The following TP63 variants were observed in gnomAD, a reference collection of about 807,000 sequenced individuals.
TP63 encodes the protein tumor protein 63.
In TP63, 17 loss-of-function variants were observed where a neutral mutation model predicts 82.8. The observed-to-expected ratio is 0.21, with a 90% CI of 0.14 to 0.31. The LOEUF (loss-of-function observed/expected upper bound fraction) is 0.31, where lower values mean the gene tolerates loss of function less well. TP63 is among the 10% of genes least tolerant of loss of function. The probability of loss-of-function intolerance (pLI) is 1.00; values close to 1 mark genes in which losing one functional copy is unlikely to be tolerated. For synonymous variants in TP63, 330 were observed against 321.7 expected (o/e 1.03, Z -0.28); for missense variants, 648 against 895.3 (o/e 0.72, Z 3.52).
chr3:189,766,060 G>C (rs1219114652), intron 3 of TP63, among the ~76,000 whole-genome samples: 1 of 152,164 alleles, frequency 6.6e-6, no homozygotes, highest in Non-Finnish European at 1.5e-5. Flanking sequence ...TGGTGCACAG[G>C]TGCAATGGTG....
chr3:189,642,446 T>C (rs7619517), intron 1 of TP63, among the ~76,000 whole-genome samples: 67,730 of 151,920 alleles, frequency 0.45, 15,677 homozygotes, highest in East Asian at 0.51. Context: ...CAACAGACAA[T>C]AGTATAACGT....
chr3:189,716,223 G>A (rs11709314), intron 1 of TP63, among the ~76,000 whole-genome samples: 78,863 of 151,868 alleles, frequency 0.52, 20,672 homozygotes, highest in Middle Eastern at 0.65. Context: ...ATCTGTAATT[G>A]TATTAGATAC....
intron 4 of TP63, among the ~76,000 whole-genome samples, chr3:189,837,451 C>CTT (rs1713320798): frequency 6.7e-6 from 1 of 148,604 alleles, no homozygotes; most frequent in Non-Finnish European, 1.5e-5. Context: ...AATCCAATTT[C>CTT]AAATTAAGAA....
In TP63 at chr3:189,872,875, C is replaced by T; in HGVS notation, c.1229C>T (p.Thr410Ile). Residue 410 changes from threonine (T) to isoleucine (I), a missense_variant, in exon 10 of 14, where the codon ACT becomes ATT. Transcript: ENST00000264731. ...LLYLPVRGRE[T>I]YEMLLKIKES... Reference sequence around the variant, plus strand: ...CTTCCATAGGTGAGGGGCCGTGAGACTTATGAAATGCTGTTGAAGATCAAA... The same window carrying T: ...CTTCCATAGGTGAGGGGCCGTGAGATTTATGAAATGCTGTTGAAGATCAAA... The T allele has an allele frequency of 1.4e-5, 22 of 1,614,132 alleles. No individual in the cohort carries two copies. Among genetic ancestry groups the T allele is most frequent in the Non-Finnish European group, 1.9e-5 (22 of 1,180,004 alleles).
chr3:189,885,933 C>T (rs887811703), intron 10 of TP63, among the ~76,000 whole-genome samples: 1 of 152,152 alleles, frequency 6.6e-6, no homozygotes, highest in Non-Finnish European at 1.5e-5. Flanking sequence ...TCTGCATATC[C>T]CAAATGGAAT....
At chr3:189,831,182 CA>C (rs1423135863) in intron 4 of TP63, among the ~76,000 whole-genome samples, 1 of 152,174 alleles carries the variant, frequency 6.6e-6, no homozygotes, top group African/African-American at 2.4e-5. Context: ...GTGACAACAA[CA>C]AAAGCACTTA....
intron 11 of TP63, among the ~76,000 whole-genome samples, chr3:189,888,098 T>TC (rs1405321915): frequency 6.6e-6 from 1 of 152,152 alleles, no homozygotes; most frequent in Non-Finnish European, 1.5e-5. Context: ...CCTCAGGTGA[T>TC]CCACCCACCT....
chr3:189,725,858 A>G (rs931577530), intron 1 of TP63, among the ~76,000 whole-genome samples: 2 of 152,202 alleles, frequency 1.3e-5, no homozygotes, highest in Non-Finnish European at 2.9e-5. Context: ...GCTGGAGATC[A>G]ACCTGACCAA....
At chr3:189,665,795 A>C (rs1714334927) in intron 1 of TP63, among the ~76,000 whole-genome samples, 1 of 152,110 alleles carries the variant, frequency 6.6e-6, no homozygotes, top group Non-Finnish European at 1.5e-5. Flanking sequence ...TACAGCCACG[A>C]CATTTAGGAA....
chr3:189,597,455 G>A, the TP63 span, among the ~76,000 whole-genome samples: 2 of 152,284 alleles, frequency 1.3e-5, no homozygotes, highest in African/African-American at 4.8e-5. Context: ...CTTTTAGGAG[G>A]AAGATAATAT....
intron 3 of TP63, among the ~76,000 whole-genome samples, chr3:189,765,038 G>A (rs775559873): frequency 7.2e-5 from 11 of 152,274 alleles, no homozygotes; most frequent in Non-Finnish European, 8.8e-5. Flanking sequence ...TTATTGGAGC[G>A]TTGTGGATTT....
At chr3:189,622,764 G>T in the TP63 span, among the ~76,000 whole-genome samples, 5 of 152,150 alleles carry the variant, frequency 3.3e-5, no homozygotes, top group African/African-American at 9.7e-5. Context: ...TCGTGTGATT[G>T]TAAGTTTGTT....
chr3:189,728,370 G>T (rs1032319057), intron 1 of TP63, among the ~76,000 whole-genome samples: 2 of 152,320 alleles, frequency 1.3e-5, no homozygotes, highest in African/African-American at 4.8e-5. Context: ...GGTAAATTAT[G>T]ATAGAATGAA....
intron 10 of TP63, among the ~76,000 whole-genome samples, chr3:189,885,828 A>G (rs994575472): frequency 6.6e-6 from 1 of 152,218 alleles, no homozygotes; most frequent in African/African-American, 2.4e-5. Flanking sequence ...CATCATGAAC[A>G]TCTCTATTGA....
intron 3 of TP63, among the ~76,000 whole-genome samples, chr3:189,794,903 T>G (rs777765746): frequency 3.9e-5 from 6 of 152,106 alleles, no homozygotes; most frequent in Non-Finnish European, 5.9e-5. Context: ...GCATGGATTG[T>G]TTCTAAAGTC....
rs1284458108 is a variant in TP63, at chr3:189,681,368, A to G, written c.62+49791A>G. ...CACTTCCATTAGCATACATTTTAAA[A>G]TTTGTAATTAGGAAGGTTAAAAATA... On this transcript the variant is annotated intron_variant, in intron 1 of 13. Transcript: ENST00000264731. Among the ~76,000 whole-genome samples the G allele has an allele frequency of 2.6e-5, 4 of 152,216 alleles. No homozygotes were observed. In the East Asian group the frequency reaches 7.7e-4, roughly 29 times the overall value.
intron 3 of TP63, among the ~76,000 whole-genome samples, chr3:189,775,291 C>G (rs1022788301): frequency 6.6e-6 from 1 of 150,658 alleles, no homozygotes; most frequent in Non-Finnish European, 1.5e-5. Flanking sequence ...ATAAAGAAGT[C>G]ATTTGCTGTT....
chr3:189,831,957 G>A (rs1712426194), intron 4 of TP63, among the ~76,000 whole-genome samples: 1 of 148,740 alleles, frequency 6.7e-6, no homozygotes, highest in Admixed American at 6.9e-5. Context: ...CCAACCTCCT[G>A]AGTAGCTGGG....
intron 1 of TP63, among the ~76,000 whole-genome samples, chr3:189,733,494 T>G (rs1202261788): frequency 1.3e-5 from 2 of 152,234 alleles, no homozygotes; most frequent in Admixed American, 6.5e-5. Context: ...AGTGCTCACC[T>G]GGCTTTCGAG....
Sources: gnomAD v4.1 joint callset for allele counts (sites outside exome capture counted in the v4.1 genomes callset) on GRCh38, gnomAD v4.1.1 for gene constraint, MANE v1.5 for transcripts, NCBI Gene and HGNC (gene_info 2026-07-23, HGNC 2026-07-21) for gene names.